Variants in WNK1 observed in about 807,000 individuals in gnomAD.
WNK1 encodes the protein WNK lysine deficient protein kinase 1.
WNK1 carries 38 observed loss-of-function variants against 222.8 expected under a neutral mutation model. That is an observed-to-expected ratio of 0.17 (90% CI 0.13 to 0.22). The LOEUF (loss-of-function observed/expected upper bound fraction) is 0.22. Among genes scored for constraint, WNK1 ranks in the 10% least tolerant of loss-of-function variants. WNK1 has a pLI of 1.00. For synonymous variants in WNK1, 1,090 were observed against 1,092.9 expected (o/e 1.00, Z 0.05); for missense variants, 2,348 against 2,918.4 (o/e 0.80, Z 4.50).
At chr12:882,638 G>A (rs1347350951) in intron 14 of WNK1, among the ~76,000 whole-genome samples, 1 of 152,196 alleles carries the variant, frequency 6.6e-6, no homozygotes, top group African/African-American at 2.4e-5. Context: ...TAGATGAATT[G>A]ATGAATGTAT....
chr12:870,746 G>C (rs1462556824), intron 8 of WNK1, among the ~76,000 whole-genome samples: 1 of 150,138 alleles, frequency 6.7e-6, no homozygotes, highest in African/African-American at 2.4e-5. Context: ...TGCCCCCCTG[G>C]GGGTGGCAGG....
intron 7 of WNK1, 113 bp from the exon 8 acceptor site, chr12:861,970 G>A (rs1951252762): frequency 8.5e-7 from 1 of 1,172,350 alleles, no homozygotes; most frequent in African/African-American, 1.5e-5. Context: ...ATCTGTGCAA[G>A]GAATAACTAG....
rs756614581 is a variant in WNK1, at chr12:885,948, A to G, written c.5144A>G (p.Asn1715Ser). 4.6e-5 allele frequency: 73 copies of G among 1,595,410 alleles called. 1 individual carries two copies. In the Middle Eastern group the frequency reaches 6.7e-4, roughly 15 times the overall value. ...ACAAGTACTTGCTTACCACCAACCA[A>G]TTTACCACTAGGAACAGTTGCTTTG... ...STTSTCLPPT[N>S]LPLGTVALPV... Residue 1715 changes from asparagine to serine, a missense_variant, in exon 19 of 28, where the codon AAT becomes AGT. Physicochemically the swap from Asn to Ser is conservative, Grantham distance 46. Coordinates refer to ENST00000315939, the MANE Select transcript of WNK1 (RefSeq NM_018979.4).
At chr12:782,955 T>C (rs1422178038) in intron 1 of WNK1, among the ~76,000 whole-genome samples, 1 of 151,864 alleles carries the variant, frequency 6.6e-6, no homozygotes, top group Non-Finnish European at 1.5e-5. Context: ...TGGAGTGCAG[T>C]GAGTGGTGCA....
At chr12:859,513 A>G (rs976044120) in intron 6 of WNK1, 49 bp downstream of exon 6, 2 of 1,441,024 alleles carry the variant, frequency 1.4e-6, no homozygotes, top group African/African-American at 2.8e-5. Flanking sequence ...TATATATATC[A>G]ATACTATCAT....
intron 9 of WNK1, among the ~76,000 whole-genome samples, chr12:872,221 G>T (rs1329495603): frequency 2.0e-5 from 3 of 152,116 alleles, no homozygotes; most frequent in Admixed American, 6.5e-5. Flanking sequence ...CATCTCCCAG[G>T]TTCAAGCTAT....
Position 910,630 on chromosome 12 carries a change from A to G in WNK1, c.*1838A>G, listed in dbSNP as rs1956013936. On this transcript the variant is annotated 3_prime_UTR_variant, in exon 28 of 28. Coordinates refer to ENST00000315939, the MANE Select transcript of WNK1 (RefSeq NM_018979.4). The stretch of plus-strand genomic sequence containing the variant: ...ACTCTTAATTTTGGGGTGCTTCTTG[A>G]CTCTTAGTTGGGAAACTGAAAATAT... 2 of 151,962 alleles carry G rather than the reference A, an allele frequency of 1.3e-5. No homozygotes were observed. The highest frequency in any genetic ancestry group is 4.8e-5 in the African/African-American group (2 of 41,356). 9.4% of individuals were successfully genotyped at this position (151,962 alleles called of 1,614,324 possible). A position where few individuals can be genotyped will look rare whatever the true frequency, so the allele number is the denominator to read the frequency against.
At chr12:786,464 C>T (rs1349772108) in intron 1 of WNK1, among the ~76,000 whole-genome samples, 2 of 140,176 alleles carry the variant, frequency 1.4e-5, no homozygotes, top group African/African-American at 2.5e-5. Context: ...GTTCCTCTAT[C>T]TTCCCTTTTT....
intron 4 of WNK1, among the ~76,000 whole-genome samples, chr12:840,382 T>G (rs1949535746): frequency 6.6e-6 from 1 of 151,712 alleles, no homozygotes. Context: ...TCCTCCTACT[T>G]TAGCCTCCCA....
chr12:757,257 A>T (rs1190605082), intron 1 of WNK1, among the ~76,000 whole-genome samples: 2 of 147,552 alleles, frequency 1.4e-5, no homozygotes, highest in Admixed American at 1.4e-4. Context: ...TGTCATGCTA[A>T]TTTTTTTAGA....
In WNK1 at chr12:762,577, T is replaced by C. The variant is rs577266692; in HGVS notation, c.759+8253T>C. 2.7e-5 allele frequency among the ~76,000 whole-genome samples: 4 copies of C among 147,364 alleles called. 1 individual carries two copies. The highest frequency in any genetic ancestry group is 6.1e-5 in the Non-Finnish European group (4 of 65,886). Reference sequence around the variant, plus strand: ...GTGGAGGGCGGACTGTTCTTATGTGTAGAAAGTAGAGAGTAACTGAAGAGT... The same window carrying C: ...GTGGAGGGCGGACTGTTCTTATGTGCAGAAAGTAGAGAGTAACTGAAGAGT... On this transcript the variant is annotated intron_variant, in intron 1 of 27. Coordinates refer to ENST00000315939, the MANE Select transcript of WNK1 (RefSeq NM_018979.4).
At chr12:787,154 T>C (rs1026057491) in intron 1 of WNK1, among the ~76,000 whole-genome samples, 3 of 152,252 alleles carry the variant, frequency 2.0e-5, no homozygotes, top group African/African-American at 4.8e-5. Flanking sequence ...ATCTACTTTA[T>C]AAAAATAAAA....
At position 827,808 on chromosome 12, in the gene WNK1, C is replaced by T. The variant is rs1219958236; in HGVS notation, c.1153+546C>T. ...CCTCCTAAAGTGTTGGGATTACAGG[C>T]GTGAGCCACCCCGCCCAGCCAGCCA... On this transcript the variant is annotated intron_variant, in intron 3 of 27. Coordinates refer to ENST00000315939, the MANE Select transcript of WNK1 (RefSeq NM_018979.4). The surrounding 1 kb of genome is among the most constrained non-coding windows in gnomAD (Gnocchi z 4.6). Among the ~76,000 whole-genome samples, 4 of 152,054 alleles carry T rather than the reference C, an allele frequency of 2.6e-5. No individual in the cohort carries two copies. Among genetic ancestry groups the T allele is most frequent in the South Asian group, 2.1e-4 (1 of 4,828 alleles).
At chr12:763,301 TG>T (rs1941269581) in intron 1 of WNK1, among the ~76,000 whole-genome samples, 2 of 147,150 alleles carry the variant, frequency 1.4e-5, no homozygotes, top group African/African-American at 4.9e-5. Context: ...CGTGAATTGT[TG>T]GCTAGGCGTG....
At position 908,617 on chromosome 12, in the gene WNK1, AGTATGG is replaced by A. The variant is rs1339712030; in HGVS notation, c.6975_6980del (p.Gln2325_Gly2327delinsHis). 1 of 1,614,054 alleles carries A rather than the reference AGTATGG, an allele frequency of 6.2e-7. No homozygotes were observed. Among genetic ancestry groups the A allele is most frequent in the Non-Finnish European group, 8.5e-7 (1 of 1,180,038 alleles). On this transcript the variant is annotated inframe_deletion, in exon 28 of 28. Transcript: ENST00000315939. ...ACCAAGTCTATGTGCCCCCCACAGCAGTATGGCTTTCCAGCTACCCCATTTGGCGCT... is the reference window on the plus strand; with the variant it reads ...ACCAAGTCTATGTGCCCCCCACAGCACTTTCCAGCTACCCCATTTGGCGCT...
intron 5 of WNK1, among the ~76,000 whole-genome samples, chr12:858,223 C>T (rs1950935541): frequency 1.4e-5 from 2 of 146,462 alleles, no homozygotes; most frequent in East Asian, 2.0e-4. Flanking sequence ...ACAGTCTTGT[C>T]ACGTCGCCTA....
intron 9 of WNK1, chr12:877,948 G>C (rs1183395883): frequency 4.1e-6 from 2 of 486,452 alleles, no homozygotes; most frequent in Non-Finnish European, 3.7e-6. Context: ...ACCTATTGTT[G>C]GGGTGAGGGA....
chr12:823,029 A>C (rs1287508016), intron 2 of WNK1, among the ~76,000 whole-genome samples: 1 of 152,164 alleles, frequency 6.6e-6, no homozygotes, highest in East Asian at 1.9e-4. Context: ...TTGCTGATAT[A>C]TAATTCGTGG....
intron 8 of WNK1, among the ~76,000 whole-genome samples, chr12:870,694 C>T (rs1471230328): frequency 3.3e-5 from 5 of 152,240 alleles, no homozygotes; most frequent in Non-Finnish European, 7.4e-5. Flanking sequence ...CAGCAATCTC[C>T]CTCAGTTGTG....
Sources: allele counts gnomAD v4.1 joint callset (sites outside exome capture counted in the v4.1 genomes callset), GRCh38; gene constraint gnomAD v4.1.1; non-coding constraint Gnocchi (gnomAD v3.1); transcripts MANE v1.5; gene names NCBI Gene and HGNC (gene_info 2026-07-23, HGNC 2026-07-21).